ANKS1A: variants seen among roughly 807,000 people sequenced by gnomAD.
The protein encoded by ANKS1A is ankyrin repeat and sterile alpha motif domain containing 1A, also known as ankyrin repeat and SAM domain-containing protein 1A.
A neutral mutation model predicts 120.3 loss-of-function variants in ANKS1A; 55 were observed. The ratio of observed to expected loss-of-function variants is 0.46; its 90% CI spans 0.37 to 0.57. The LOEUF (loss-of-function observed/expected upper bound fraction) is 0.57. Among genes scored for constraint, ANKS1A ranks in the 20% least tolerant of loss-of-function variants. The pLI is 0.00. For synonymous variants in ANKS1A, 590 were observed against 604.7 expected (o/e 0.98, Z 0.36); for missense variants, 1,123 against 1,480.3 (o/e 0.76, Z 3.96).
intron 3 of ANKS1A, among the ~76,000 whole-genome samples, chr6:34,973,857 TGCCC>T (rs1771311555): frequency 1.2e-5 from 1 of 81,490 alleles, no homozygotes; most frequent in Non-Finnish European, 2.3e-5. Context: ...CCCTTCCCCT[TGCCC>T]TCCCCTTCCC....
intron 1 of ANKS1A, among the ~76,000 whole-genome samples, chr6:34,950,426 A>T (rs1369300140): frequency 6.6e-6 from 1 of 151,830 alleles, no homozygotes; most frequent in Non-Finnish European, 1.5e-5. Context: ...ACGGGGTTTC[A>T]CCATGTTGGC....
chr6:35,030,591 T>C (rs1774861094), intron 11 of ANKS1A, among the ~76,000 whole-genome samples: 1 of 152,196 alleles, frequency 6.6e-6, no homozygotes, highest in South Asian at 2.1e-4. Flanking sequence ...ATAAAAATGA[T>C]CTTCCAACTT....
intron 1 of ANKS1A, among the ~76,000 whole-genome samples, chr6:34,965,752 C>CTT (rs539948587): frequency 2.8e-5 from 4 of 143,530 alleles, no homozygotes; most frequent in South Asian, 2.2e-4. Context: ...CTGTCATTGT[C>CTT]TTTTTTTTTT....
At chr6:34,966,449 G>C (rs537089353) in intron 1 of ANKS1A, among the ~76,000 whole-genome samples, 1 of 152,144 alleles carries the variant, frequency 6.6e-6, no homozygotes, top group East Asian at 1.9e-4. Context: ...ACCATTAGAG[G>C]CATTCTCATT....
At chr6:35,009,379 T>C (rs1773623676) in intron 10 of ANKS1A, among the ~76,000 whole-genome samples, 1 of 152,066 alleles carries the variant, frequency 6.6e-6, no homozygotes, top group Non-Finnish European at 1.5e-5. Flanking sequence ...GCTTGGTTAA[T>C]TGAGAAAATA....
At chr6:35,029,292 CAT>C (rs981446229) in intron 11 of ANKS1A, among the ~76,000 whole-genome samples, 22 of 148,232 alleles carry the variant, frequency 1.5e-4, no homozygotes, top group Middle Eastern at 7.1e-3. Flanking sequence ...TTTTTTTTAA[CAT>C]GTGGAAATTT....
At chr6:34,906,369 T>C (rs1007368275) in intron 1 of ANKS1A, among the ~76,000 whole-genome samples, 13 of 151,882 alleles carry the variant, frequency 8.6e-5, no homozygotes, top group African/African-American at 3.1e-4. Flanking sequence ...TCCATGGGAG[T>C]GTGTGAGTGG....
intron 1 of ANKS1A, among the ~76,000 whole-genome samples, chr6:34,902,591 C>T (rs574211668): frequency 6.6e-6 from 1 of 152,100 alleles, no homozygotes. Flanking sequence ...AAAATCAGGT[C>T]CAGTACTTTT....
At chr6:34,993,337 C>G (rs1468033434) in intron 9 of ANKS1A, among the ~76,000 whole-genome samples, 1 of 152,220 alleles carries the variant, frequency 6.6e-6, no homozygotes, top group East Asian at 1.9e-4. Flanking sequence ...AGCGTGGCTA[C>G]TCTGGTACCA....
At position 35,079,862 on chromosome 6, in the gene ANKS1A, C is replaced by T. The variant is rs754829243; in HGVS notation, c.2478C>T (p.Ile826=). The change falls in exon 16 of 24, where the codon ATC becomes ATT. Residue 826 remains isoleucine, a synonymous_variant. Transcript: ENST00000360359. ...VQLLGHRKRI[I]ASLADRPYEE... ...TGCTCGGCCATCGCAAGCGCATCAT[C>T]GCCTCCCTCGCAGACAGACCGTACG... The T allele has an allele frequency of 3.3e-5, 52 of 1,568,612 alleles. No individual in the cohort carries two copies. The highest frequency in any genetic ancestry group is 4.0e-5 in the Non-Finnish European group (46 of 1,156,716).
In ANKS1A at chr6:34,895,777, TTTC is replaced by T. The variant is rs1186756740; in HGVS notation, c.197+6181_197+6183del. Among the ~76,000 whole-genome samples the T allele has an allele frequency of 7.3e-5, 10 of 137,652 alleles. No homozygotes were observed. In the East Asian group the frequency reaches 2.1e-3, roughly 29 times the overall value. The allele number at this position is 137,652 out of a possible 152,430, so 90.3% of individuals were successfully genotyped here. On this transcript the variant is annotated intron_variant, in intron 1 of 23. Coordinates refer to ENST00000360359, the MANE Select transcript of ANKS1A (RefSeq NM_015245.3). Reference sequence around the variant, plus strand: ...TTAAAAATAGTTTTTCAAGAATGTCTTTCTTTTTTTTTTTTTTTTTTTTTTTTT... The same window carrying T: ...TTAAAAATAGTTTTTCAAGAATGTCTTTTTTTTTTTTTTTTTTTTTTTTTT...
chr6:35,090,614 G>C lies in ANKS1A; in HGVS notation c.*2005G>C, dbSNP rs907370033. 1.0e-6 allele frequency: 1 copy of C among 991,108 alleles called. No individual in the cohort carries two copies. The highest frequency in any genetic ancestry group is 1.2e-6 in the Non-Finnish European group (1 of 833,616). The allele number at this position is 991,108 out of a possible 1,614,324, so 61.4% of individuals were successfully genotyped here. A position where few individuals can be genotyped will look rare whatever the true frequency, so the allele number is the denominator to read the frequency against. ...GGTTTATTTCTGAATATTCAAGAAAGGAAAATGACTGGGCCTTTCTTTCTT... is the reference window on the plus strand; with the variant it reads ...GGTTTATTTCTGAATATTCAAGAAACGAAAATGACTGGGCCTTTCTTTCTT... On this transcript the variant is annotated 3_prime_UTR_variant, in exon 24 of 24. Transcript: ENST00000360359.
chr6:35,062,617 T>C (rs1162908973), intron 13 of ANKS1A, among the ~76,000 whole-genome samples: 1 of 152,200 alleles, frequency 6.6e-6, no homozygotes, highest in East Asian at 1.9e-4. Flanking sequence ...TTGACAGTCA[T>C]GGTGTTGCTG....
intron 11 of ANKS1A, among the ~76,000 whole-genome samples, chr6:35,020,479 G>T (rs1745107773): frequency 1.3e-5 from 2 of 152,172 alleles, no homozygotes; most frequent in Admixed American, 1.3e-4. Flanking sequence ...TCCTGGATAT[G>T]CTATCAAGGC....
chr6:35,046,750 A>C (rs1196939173), intron 11 of ANKS1A, among the ~76,000 whole-genome samples: 1 of 152,238 alleles, frequency 6.6e-6, no homozygotes, highest in African/African-American at 2.4e-5. Context: ...ATGTTTGTTT[A>C]TAGTTATTTG....
chr6:35,083,607 C>T (rs1455265059), intron 20 of ANKS1A, 104 bp downstream of exon 20: 3 of 1,086,272 alleles, frequency 2.8e-6, no homozygotes, highest in Non-Finnish European at 4.2e-6. Context: ...CATCTCTTAT[C>T]TCCCTAGAGG....
chr6:35,027,243 C>A (rs984614927), intron 11 of ANKS1A, among the ~76,000 whole-genome samples: 2 of 152,170 alleles, frequency 1.3e-5, no homozygotes, highest in African/African-American at 4.8e-5. Context: ...ATGCCACCAC[C>A]ACTTGGAACA....
chr6:34,891,329 G>C (rs1766812954), intron 1 of ANKS1A, among the ~76,000 whole-genome samples: 1 of 152,156 alleles, frequency 6.6e-6, no homozygotes, highest in African/African-American at 2.4e-5. Context: ...AATAATGGAT[G>C]GGTATACTTC....
Position 35,084,394 on chromosome 6 carries a change from GC to G in ANKS1A, c.3132+139del. ...GGCAAATGTTTGGTTCATGAATGGA[GC>G]CCAGCAGCACTCAGGCCGGTCCCCT... On this transcript the variant is annotated intron_variant, in intron 21 of 23. Transcript: ENST00000360359. The surrounding 1 kb of genome is among the most constrained non-coding windows in gnomAD (Gnocchi z 4.8). The G allele has an allele frequency of 1.6e-6, 2 of 1,266,550 alleles. No individual in the cohort carries two copies. Among genetic ancestry groups the G allele is most frequent in the Non-Finnish European group, 2.1e-6 (2 of 940,816 alleles). The allele number at this position is 1,266,550 out of a possible 1,614,324, so 78.5% of individuals were successfully genotyped here. A position where few individuals can be genotyped will look rare whatever the true frequency, so the allele number is the denominator to read the frequency against.
Sources: allele counts gnomAD v4.1 joint callset (sites outside exome capture counted in the v4.1 genomes callset), GRCh38; gene constraint gnomAD v4.1.1; non-coding constraint Gnocchi (gnomAD v3.1); transcripts MANE v1.5; gene names NCBI Gene and HGNC (gene_info 2026-07-23, HGNC 2026-07-21).